The following COL26A1 variants were observed in gnomAD, a reference collection of about 807,000 sequenced individuals.
The protein encoded by COL26A1 is collagen alpha-1(XXVI) chain.
Under a neutral mutation model 59.3 loss-of-function variants are expected in COL26A1, and 41 were observed. The observed-to-expected ratio is 0.69, with a 90% CI of 0.54 to 0.90. The LOEUF is 0.90. COL26A1 is among the 40% of genes least tolerant of loss of function. The probability of loss-of-function intolerance (pLI) is 0.00; values close to 1 mark genes in which losing one functional copy is unlikely to be tolerated. For missense variants in COL26A1, 612 were observed against 602.3 expected, an observed-to-expected ratio of 1.02 and a Z score of -0.17; for synonymous variants, 266 against 256.0, an observed-to-expected ratio of 1.04 and a Z score of -0.37.
At position 101,434,067 on chromosome 7, in the gene COL26A1, TCC is replaced by T. The variant is rs1346241767; in HGVS notation, c.282-13615_282-13614del. Among the ~76,000 whole-genome samples the T allele has an allele frequency of 3.1e-3, 153 of 49,490 alleles. 3 individuals are homozygous for T. The highest frequency in any genetic ancestry group is 4.2e-3 in the Admixed American group (17 of 4,058). 32.5% of individuals were successfully genotyped at this position (49,490 alleles called of 152,430 possible). A position where few individuals can be genotyped will look rare whatever the true frequency, so the allele number is the denominator to read the frequency against. On this transcript the variant is annotated intron_variant, in intron 2 of 12. Coordinates refer to ENST00000313669, the MANE Select transcript of COL26A1 (RefSeq NM_001278563.3). ...TTCCCTCCCTCCCTCCCTCCCTCCCTCCCTCCCTCCCTCCCTCCCTCCCTCTT... is the reference window on the plus strand; with the variant it reads ...TTCCCTCCCTCCCTCCCTCCCTCCCTCTCCCTCCCTCCCTCCCTCCCTCTT...
chr7:101,401,552 T>C (rs1388325932), intron 1 of COL26A1, among the ~76,000 whole-genome samples: 1 of 89,762 alleles, frequency 1.1e-5, no homozygotes, highest in African/African-American at 4.2e-5. Context: ...AGAGGAAGAG[T>C]AGGAGGAAGA....
intron 1 of COL26A1, among the ~76,000 whole-genome samples, chr7:101,385,201 T>C (rs1791536035): frequency 7.7e-6 from 1 of 130,000 alleles, no homozygotes; most frequent in Non-Finnish European, 1.6e-5. Flanking sequence ...CCAATCAATT[T>C]GACACTATAT....
chr7:101,467,798 C>T (rs1793798991), intron 3 of COL26A1, among the ~76,000 whole-genome samples: 1 of 151,950 alleles, frequency 6.6e-6, no homozygotes, highest in African/African-American at 2.4e-5. Flanking sequence ...ACCCGGGAAG[C>T]AGGGCTTGCA....
At chr7:101,527,688 T>C (rs1795276886) in intron 3 of COL26A1, among the ~76,000 whole-genome samples, 1 of 152,142 alleles carries the variant, frequency 6.6e-6, no homozygotes, top group Non-Finnish European at 1.5e-5. Context: ...CTAGTTTGCC[T>C]GGTACGTTGA....
intron 3 of COL26A1, among the ~76,000 whole-genome samples, chr7:101,522,648 A>C (rs75190643): frequency 6.6e-6 from 1 of 152,096 alleles, no homozygotes; most frequent in Non-Finnish European, 1.5e-5. Context: ...TTGTATTTTC[A>C]TGGGAAGGGA....
At chr7:101,465,047 T>G (rs1190576284) in intron 3 of COL26A1, among the ~76,000 whole-genome samples, 1 of 150,844 alleles carries the variant, frequency 6.6e-6, no homozygotes, top group Non-Finnish European at 1.5e-5. Flanking sequence ...TTTTTTTTTT[T>G]TTTTTGTTGG....
chr7:101,398,358 C>A (rs1396290621), intron 1 of COL26A1, among the ~76,000 whole-genome samples: 1 of 152,144 alleles, frequency 6.6e-6, no homozygotes, highest in Non-Finnish European at 1.5e-5. Context: ...TGGGATAAGA[C>A]CCCAGTTTCT....
chr7:101,507,010 G>T (rs1234459697), intron 3 of COL26A1, among the ~76,000 whole-genome samples: 5 of 151,816 alleles, frequency 3.3e-5, no homozygotes, highest in Non-Finnish European at 7.4e-5. Flanking sequence ...CGCCTCCCGG[G>T]TTCAAGCGAT....
intron 1 of COL26A1, among the ~76,000 whole-genome samples, chr7:101,405,080 G>A (rs940096820): frequency 6.6e-6 from 1 of 151,498 alleles, no homozygotes; most frequent in Non-Finnish European, 1.5e-5. Context: ...AAATTAGCCG[G>A]GCGTGGTGGC....
rs142513476 is a variant in COL26A1, at chr7:101,435,288, C to T, written c.282-12396C>T. The stretch of plus-strand genomic sequence containing the variant: ...GAGCTGAGATTGTGCCACTGCACTC[C>T]AGCCTGGGCCACAGCGAGACTCCAT... On this transcript the variant is annotated intron_variant, in intron 2 of 12. Coordinates refer to ENST00000313669, the MANE Select transcript of COL26A1 (RefSeq NM_001278563.3). Among the ~76,000 whole-genome samples, 1,150 of 152,302 alleles carry T rather than the reference C, an allele frequency of 7.6e-3. 15 individuals carry two copies. Among genetic ancestry groups the T allele is most frequent in the African/African-American group, 0.027 (1,109 of 41,578 alleles).
intron 12 of COL26A1, among the ~76,000 whole-genome samples, chr7:101,556,776 G>A (rs939175050): frequency 7.2e-5 from 11 of 151,892 alleles, no homozygotes; most frequent in South Asian, 6.3e-4. Flanking sequence ...GTGGATGGGC[G>A]GGTGAGTGGA....
At chr7:101,445,243 C>T (rs914756137) in intron 2 of COL26A1, among the ~76,000 whole-genome samples, 3 of 152,134 alleles carry the variant, frequency 2.0e-5, no homozygotes, top group Admixed American at 1.3e-4. Flanking sequence ...TTAGGAAATC[C>T]ATCACCCACA....
At chr7:101,413,858 A>T (rs181178406) in intron 1 of COL26A1, among the ~76,000 whole-genome samples, 16 of 152,272 alleles carry the variant, frequency 1.1e-4, no homozygotes, top group East Asian at 3.9e-4. Flanking sequence ...TGAAAGGGAC[A>T]TGTGTCTCCT....
At chr7:101,382,614 C>A (rs943984352) in intron 1 of COL26A1, among the ~76,000 whole-genome samples, 1 of 152,128 alleles carries the variant, frequency 6.6e-6, no homozygotes, top group Admixed American at 6.6e-5. Context: ...TTCTCCTTCA[C>A]TGTTCTTTAT....
intron 3 of COL26A1, among the ~76,000 whole-genome samples, chr7:101,496,991 A>G (rs1012130001): frequency 1.3e-5 from 2 of 151,780 alleles, no homozygotes; most frequent in Non-Finnish European, 2.9e-5. Flanking sequence ...TAATCCCAGC[A>G]TTTTGGGAGG....
At position 101,489,841 on chromosome 7, in the gene COL26A1, T is replaced by C. The variant is rs1166329204; in HGVS notation, c.385+42054T>C. ...TTCTTTCTTTCTTTCTTTCTTTCTT[T>C]CTTTCTTTCTTTCTTTCTTTCTTTC... On this transcript the variant is annotated intron_variant, in intron 3 of 12. Transcript: ENST00000313669. 2.0e-3 allele frequency among the ~76,000 whole-genome samples: 50 copies of C among 24,552 alleles called. 6 individuals carry two copies. The highest frequency in any genetic ancestry group is 2.5e-3 in the Non-Finnish European group (39 of 15,710). 16.1% of individuals were successfully genotyped at this position (24,552 alleles called of 152,430 possible). A position where few individuals can be genotyped will look rare whatever the true frequency, so the allele number is the denominator to read the frequency against.
intron 1 of COL26A1, among the ~76,000 whole-genome samples, chr7:101,396,831 G>A (rs1791866460): frequency 6.6e-6 from 1 of 152,162 alleles, no homozygotes; most frequent in Non-Finnish European, 1.5e-5. Flanking sequence ...AGGGTTTGAT[G>A]TCAGAGACTG....
intron 1 of COL26A1, among the ~76,000 whole-genome samples, chr7:101,410,070 G>GT (rs914001458): frequency 2.0e-5 from 3 of 152,062 alleles, no homozygotes; most frequent in African/African-American, 7.2e-5. Context: ...AGAGGCTAGG[G>GT]TTTTTAAGGT....
At chr7:101,363,732 C>G (rs1322664778) in intron 1 of COL26A1, among the ~76,000 whole-genome samples, 2 of 152,004 alleles carry the variant, frequency 1.3e-5, no homozygotes, top group East Asian at 3.9e-4. Context: ...TTCGCCCCCT[C>G]GTTCCGGGCT....
Sources: allele counts gnomAD v4.1 joint callset (sites outside exome capture counted in the v4.1 genomes callset), GRCh38; gene constraint gnomAD v4.1.1; transcripts MANE v1.5; gene names NCBI Gene and HGNC (gene_info 2026-07-23, HGNC 2026-07-21).